The following ITGA9 variants were observed in gnomAD, a reference collection of about 807,000 sequenced individuals.
The protein encoded by ITGA9 is integrin alpha-9.
In ITGA9, 56 loss-of-function variants were observed where a neutral mutation model predicts 127.8. The observed-to-expected ratio is 0.44, with a 90% CI of 0.35 to 0.55. The LOEUF is 0.55. ITGA9 is among the 20% of genes least tolerant of loss of function. ITGA9 has a pLI of 0.00. For synonymous variants in ITGA9, 508 were observed against 514.5 expected (o/e 0.99, Z 0.17); for missense variants, 1,196 against 1,347.1 (o/e 0.89, Z 1.76).
chr3:37,763,711 T>C (rs1696747521), intron 23 of ITGA9, among the ~76,000 whole-genome samples: 1 of 152,248 alleles, frequency 6.6e-6, no homozygotes, highest in South Asian at 2.1e-4. Context: ...CTGAGACTTG[T>C]ATAAGAGCCA....
chr3:37,820,161 G>C lies in ITGA9; in HGVS notation c.*1172G>C, dbSNP rs1414106557. ...TACCAGTAAGAGAGTGGGGGAAGCA[G>C]GACAAGGAAGGAGACAAAGCCAGGC... On this transcript the variant is annotated 3_prime_UTR_variant, in exon 28 of 28. Transcript: ENST00000264741. The C allele has an allele frequency of 6.6e-6, 1 of 152,276 alleles. No homozygotes were observed. Among genetic ancestry groups the C allele is most frequent in the African/African-American group, 2.4e-5 (1 of 41,450 alleles). The allele number at this position is 152,276 out of a possible 1,614,324, so 9.4% of individuals were successfully genotyped here.
intron 15 of ITGA9, among the ~76,000 whole-genome samples, chr3:37,614,013 G>A (rs1390874197): frequency 2.0e-5 from 3 of 152,144 alleles, no homozygotes; most frequent in African/African-American, 7.2e-5. Context: ...CATTGCTTTT[G>A]GTGTTTTAGA....
intron 15 of ITGA9, among the ~76,000 whole-genome samples, chr3:37,581,021 C>T (rs529738222): frequency 6.6e-6 from 1 of 152,112 alleles, no homozygotes; most frequent in Non-Finnish European, 1.5e-5. Flanking sequence ...GAAGGAAAAC[C>T]CAGCGAGAGG....
At chr3:37,658,959 A>T (rs937657682) in intron 17 of ITGA9, among the ~76,000 whole-genome samples, 1 of 152,208 alleles carries the variant, frequency 6.6e-6, no homozygotes, top group Non-Finnish European at 1.5e-5. Flanking sequence ...TTGGCTGGAT[A>T]TGAAATTCTG....
At chr3:37,580,442 A>G (rs1171916247) in intron 15 of ITGA9, among the ~76,000 whole-genome samples, 1 of 152,168 alleles carries the variant, frequency 6.6e-6, no homozygotes, top group Non-Finnish European at 1.5e-5. Flanking sequence ...TGGCTGATTC[A>G]CTTTGTCCGC....
intron 18 of ITGA9, among the ~76,000 whole-genome samples, chr3:37,714,815 C>T (rs777961114): frequency 3.3e-5 from 5 of 152,172 alleles, no homozygotes; most frequent in South Asian, 2.1e-4. Flanking sequence ...CACTGTGCTA[C>T]GGGCAGGTTA....
At chr3:37,730,907 G>A (rs1214304009) in intron 18 of ITGA9, among the ~76,000 whole-genome samples, 4 of 152,214 alleles carry the variant, frequency 2.6e-5, no homozygotes, top group Non-Finnish European at 4.4e-5. Flanking sequence ...CGGGGCAGGG[G>A]TGGAAGAACC....
chr3:37,537,656 G>A (rs1699223038), intron 14 of ITGA9, among the ~76,000 whole-genome samples: 1 of 152,182 alleles, frequency 6.6e-6, no homozygotes, highest in Non-Finnish European at 1.5e-5. Context: ...CATGGAGCTG[G>A]CATTCTAGTG....
chr3:37,800,039 C>T (rs755550312), intron 26 of ITGA9, among the ~76,000 whole-genome samples: 1 of 152,148 alleles, frequency 6.6e-6, no homozygotes, highest in African/African-American at 2.4e-5. Flanking sequence ...AAGCATGGAG[C>T]ACGCATCCAA....
rs1442506260 is a variant in ITGA9, at chr3:37,641,668, C to T, written c.1840-12046C>T. 2.0e-5 allele frequency among the ~76,000 whole-genome samples: 3 copies of T among 152,280 alleles called. No individual in the cohort carries two copies. The East Asian group carries it at 5.8e-4, about 29-fold the overall frequency. On this transcript the variant is annotated intron_variant, in intron 16 of 27. Coordinates refer to ENST00000264741, the MANE Select transcript of ITGA9 (RefSeq NM_002207.3). ...CTCCCGCTGAGGAGCTCCCTTCCCC[C>T]TCAGAAGAAAATCCGGACACATGCT...
At chr3:37,733,463 T>C (rs754886805) in intron 19 of ITGA9, among the ~76,000 whole-genome samples, 4 of 144,352 alleles carry the variant, frequency 2.8e-5, no homozygotes, top group Non-Finnish European at 5.9e-5. Flanking sequence ...AAGTCTGCCT[T>C]TGGAAATGGA....
intron 8 of ITGA9, 94 bp downstream of exon 8, chr3:37,508,721 C>T: frequency 1.1e-6 from 1 of 933,092 alleles, no homozygotes; most frequent in South Asian, 1.3e-5. Flanking sequence ...AAGGCCCTAC[C>T]TGTGCCCTGT....
At chr3:37,670,979 C>A (rs1306943038) in intron 17 of ITGA9, among the ~76,000 whole-genome samples, 1 of 152,254 alleles carries the variant, frequency 6.6e-6, no homozygotes, top group Admixed American at 6.5e-5. Flanking sequence ...AATGCACATA[C>A]ACTGCTTGCA....
chr3:37,500,921 TG>T (rs1271318624), intron 5 of ITGA9, among the ~76,000 whole-genome samples: 3 of 152,202 alleles, frequency 2.0e-5, no homozygotes, highest in African/African-American at 7.2e-5. Context: ...CCAGTATCTT[TG>T]GAGTTTTGTC....
chr3:37,586,280 C>A (rs550410396), intron 15 of ITGA9, among the ~76,000 whole-genome samples: 9 of 152,198 alleles, frequency 5.9e-5, no homozygotes, highest in Non-Finnish European at 1.3e-4. Flanking sequence ...CTTTAGCCCA[C>A]CCTTTGAGAA....
At chr3:37,725,378 A>G (rs1359729040) in intron 18 of ITGA9, among the ~76,000 whole-genome samples, 2 of 152,184 alleles carry the variant, frequency 1.3e-5, no homozygotes, top group Non-Finnish European at 2.9e-5. Flanking sequence ...GAATGTCTTG[A>G]CAGCTGGGGT....
chr3:37,654,983 G>C (rs1207842174), intron 17 of ITGA9, among the ~76,000 whole-genome samples: 2 of 152,182 alleles, frequency 1.3e-5, no homozygotes, highest in African/African-American at 4.8e-5. Context: ...GAGAATAATG[G>C]TTTACACCTT....
At position 37,814,163 on chromosome 3, in the gene ITGA9, T is replaced by C. The variant is rs901759159; in HGVS notation, c.3010-4728T>C. Among the ~76,000 whole-genome samples, 6 of 152,126 alleles carry C rather than the reference T, an allele frequency of 3.9e-5. No homozygotes were observed. The highest frequency in any genetic ancestry group is 2.0e-4 in the Admixed American group (3 of 15,264). ...CCACAGTCTAGAGCCTTGAATTCAC[T>C]TTGGGGAAAACAGAAAAAGCTGTCA... On this transcript the variant is annotated intron_variant, in intron 27 of 27. Coordinates refer to ENST00000264741, the MANE Select transcript of ITGA9 (RefSeq NM_002207.3). The surrounding 1 kb of genome is among the most constrained non-coding windows in gnomAD (Gnocchi z 4.3).
chr3:37,490,756 G>A (rs2125563491), intron 4 of ITGA9, among the ~76,000 whole-genome samples: 1 of 152,124 alleles, frequency 6.6e-6, no homozygotes, highest in East Asian at 1.9e-4. Context: ...GTTTAGACAG[G>A]GCTTAATAAA....
Sources: gnomAD v4.1 joint callset for allele counts (sites outside exome capture counted in the v4.1 genomes callset) on GRCh38, gnomAD v4.1.1 for gene constraint, Gnocchi (gnomAD v3.1) non-coding constraint, MANE v1.5 for transcripts, NCBI Gene and HGNC (gene_info 2026-07-23, HGNC 2026-07-21) for gene names.